B4GALNT2: variants seen among roughly 807,000 people sequenced by gnomAD.
B4GALNT2 encodes the protein beta-1,4-N-acetyl-galactosaminyltransferase 2 (SID blood group).
A neutral mutation model predicts 51.1 loss-of-function variants in B4GALNT2; 42 were observed. The ratio of observed to expected loss-of-function variants is 0.82; its 90% CI spans 0.64 to 1.06. The LOEUF (loss-of-function observed/expected upper bound fraction) is 1.06, where lower values mean the gene tolerates loss of function less well. Ranked by LOEUF, B4GALNT2 falls within the 50% of genes least tolerant of loss-of-function variation. B4GALNT2 has a pLI of 0.00. For missense variants in B4GALNT2, 602 were observed against 633.6 expected (o/e 0.95, Z 0.54); for synonymous variants, 253 against 251.7 (o/e 1.01, Z -0.05).
intron 1 of B4GALNT2, 114 bp from the exon 2 acceptor site, chr17:49,141,133 A>C: frequency 1.1e-6 from 1 of 938,636 alleles, no homozygotes; most frequent in Non-Finnish European, 1.7e-6. Context: ...GATTTTAGTG[A>C]CCAATATAAG....
chr17:49,153,053 T>C (rs1483798164), intron 4 of B4GALNT2, 147 bp downstream of exon 4: 7 of 712,246 alleles, frequency 9.8e-6, no homozygotes, highest in Non-Finnish European at 1.7e-5. Context: ...CAGTGAGCTA[T>C]CATCTTGCCA....
chr17:49,164,064 T>C, intron 7 of B4GALNT2, 24 bp from the exon 8 acceptor site: 1 of 1,608,130 alleles, frequency 6.2e-7, no homozygotes, highest in Non-Finnish European at 8.5e-7. Context: ...GACAGAGCTC[T>C]GACACCCACT....
the B4GALNT2 span, among the ~76,000 whole-genome samples, chr17:49,122,599 G>T: frequency 6.6e-6 from 1 of 152,156 alleles, no homozygotes; most frequent in East Asian, 1.9e-4. Context: ...AATCTATTTG[G>T]TTGTTTTGGT....
chr17:49,132,149 T>C (rs111888977), upstream of B4GALNT2, among the ~76,000 whole-genome samples: 403 of 152,274 alleles, frequency 2.6e-3, 2 homozygotes, highest in African/African-American at 9.3e-3. Flanking sequence ...CTTGTATTTG[T>C]GGCAGCTGGG....
the B4GALNT2 span, among the ~76,000 whole-genome samples, chr17:49,124,142 C>G: frequency 4.6e-5 from 7 of 152,260 alleles, no homozygotes; most frequent in African/African-American, 1.7e-4. Context: ...AAAAGCAAAA[C>G]AAAGGATTAG....
chr17:49,132,881 G>A, intron 1 of B4GALNT2, 75 bp downstream of exon 1: 1 of 1,375,434 alleles, frequency 7.3e-7, no homozygotes, highest in Non-Finnish European at 9.4e-7. Flanking sequence ...CCTTTCTGGC[G>A]TCTGCAGAGC....
chr17:49,158,964 G>T (rs1040356577), intron 5 of B4GALNT2, 73 bp from the exon 6 acceptor site: 30 of 1,520,678 alleles, frequency 2.0e-5, no homozygotes, highest in Admixed American at 3.5e-5. Flanking sequence ...CCTGGCCTGG[G>T]TATGTATGTA....
upstream of B4GALNT2, among the ~76,000 whole-genome samples, chr17:49,132,287 C>T (rs146739631): frequency 6.6e-6 from 1 of 152,142 alleles, no homozygotes; most frequent in Non-Finnish European, 1.5e-5. Context: ...GGCACACAGG[C>T]GTTATGTGGC....
chr17:49,150,087 C>T (rs928254590), intron 3 of B4GALNT2, among the ~76,000 whole-genome samples: 4 of 152,262 alleles, frequency 2.6e-5, no homozygotes, highest in African/African-American at 4.8e-5. Flanking sequence ...GTCAGCCCCC[C>T]ACCTGGCCAG....
chr17:49,169,470 C>T, intron 10 of B4GALNT2, 53 bp from the exon 11 acceptor site: 2 of 1,535,814 alleles, frequency 1.3e-6, no homozygotes, highest in East Asian at 2.2e-5. Flanking sequence ...TAGAATAGTG[C>T]CCACTTTTCT....
chr17:49,133,335 C>A, intron 1 of B4GALNT2: 1 of 1,268,296 alleles, frequency 7.9e-7, no homozygotes, highest in Non-Finnish European at 1.0e-6. Context: ...CAAATCCAGG[C>A]GCCCACCGCA....
chr17:49,170,592 C>T lies in B4GALNT2; in HGVS notation c.*864C>T, dbSNP rs34161452. The T allele has an allele frequency of 1.3e-5, 2 of 152,250 alleles. No homozygotes were observed. The highest frequency in any genetic ancestry group is 1.3e-4 in the Admixed American group (2 of 15,280). 9.4% of individuals were successfully genotyped at this position (152,250 alleles called of 1,614,324 possible). A position where few individuals can be genotyped will look rare whatever the true frequency, so the allele number is the denominator to read the frequency against. On this transcript the variant is annotated 3_prime_UTR_variant, in exon 11 of 11. Coordinates refer to ENST00000393354, the MANE Select transcript of B4GALNT2 (RefSeq NM_001159387.2). ...AACTCATGTCATTTACAGAGTGGTT[C>T]CATCACTCTGTTGTTGGATAAGCCT...
At chr17:49,132,706 G>A, upstream of B4GALNT2, 1 of 1,356,492 alleles carries the variant, frequency 7.4e-7, no homozygotes, top group Non-Finnish European at 9.5e-7. Context: ...CCGAGAATTT[G>A]CCCGGGTCGG....
intron 1 of B4GALNT2, 27 bp downstream of exon 1, chr17:49,132,833 C>A (rs1023504865): frequency 7.3e-7 from 1 of 1,374,004 alleles, no homozygotes; most frequent in Admixed American, 4.0e-5. Context: ...CAGAGCAGAG[C>A]GAGAGGTGAA....
At chr17:49,149,669 G>A (rs1241880114) in intron 3 of B4GALNT2, among the ~76,000 whole-genome samples, 3 of 152,096 alleles carry the variant, frequency 2.0e-5, no homozygotes, top group African/African-American at 4.8e-5. Flanking sequence ...AAAAATACAC[G>A]TATAAGGATG....
intron 7 of B4GALNT2, 129 bp downstream of exon 7, chr17:49,160,770 C>A: frequency 1.2e-6 from 1 of 839,248 alleles, no homozygotes; most frequent in Non-Finnish European, 1.9e-6. Context: ...CCCTGACAAG[C>A]TTCGTTTGGA....
rs540847399 is a variant in B4GALNT2 at position 49,148,754 on chromosome 17, C to T, written c.354-4046C>T. ...CATCCTTCTTGGCCACCGTGACTCC[C>T]TCCTTTAAAAGGAGTTCATAGGGCT... is the stretch of plus-strand genomic sequence containing the variant. On this transcript the variant is annotated intron_variant, in intron 3 of 10. Transcript: ENST00000393354. 3.3e-4 allele frequency: 183 copies of T among 555,954 alleles called. No homozygotes were observed. The East Asian group carries it at 5.6e-3, about 17-fold the overall frequency. 34.4% of individuals were successfully genotyped at this position (555,954 alleles called of 1,614,324 possible). A position where few individuals can be genotyped will look rare whatever the true frequency, so the allele number is the denominator to read the frequency against.
At position 49,175,921 on chromosome 17, in the gene B4GALNT2, C is replaced by G. The variant is rs571419070; in HGVS notation, c.*6193C>G. ...AGGGACAAACCTCTTCCTCATTTGC[C>G]GCTTTAGCTTCAGCCAGCAAACAAA... On this transcript the variant is annotated 3_prime_UTR_variant, in exon 11 of 11. Transcript: ENST00000393354. 1 of 152,178 alleles carries G rather than the reference C, an allele frequency of 6.6e-6. No homozygotes were observed. The highest frequency in any genetic ancestry group is 1.9e-4 in the East Asian group (1 of 5,202). 9.4% of individuals were successfully genotyped at this position (152,178 alleles called of 1,614,324 possible).
At chr17:49,156,709 A>G in intron 5 of B4GALNT2, 106 bp downstream of exon 5, 1 of 1,305,364 alleles carries the variant, frequency 7.7e-7, no homozygotes. Flanking sequence ...ATTCAAGGTC[A>G]GACATGAGCC....
Sources: allele counts gnomAD v4.1 joint callset (sites outside exome capture counted in the v4.1 genomes callset), GRCh38; gene constraint gnomAD v4.1.1; transcripts MANE v1.5; gene names NCBI Gene and HGNC (gene_info 2026-07-23, HGNC 2026-07-21).